LAMC2: variants seen among roughly 807,000 people sequenced by gnomAD.
LAMC2 encodes the protein laminin subunit gamma-2.
LAMC2 carries 97 observed loss-of-function variants against 140.2 expected under a neutral mutation model. That is an observed-to-expected ratio of 0.69 (90% CI 0.59 to 0.82). The LOEUF is 0.82. LAMC2 is among the 40% of genes least tolerant of loss of function. The pLI is 0.00. For missense variants in LAMC2, 1,402 were observed against 1,476.1 expected (o/e 0.95, Z 0.82); for synonymous variants, 513 against 540.2 (o/e 0.95, Z 0.70).
At chr1:183,187,436 G>A (rs945995099) in intron 1 of LAMC2, among the ~76,000 whole-genome samples, 1 of 150,620 alleles carries the variant, frequency 6.6e-6, no homozygotes, top group Admixed American at 6.6e-5. Context: ...GTCTAAAAAA[G>A]TCTTGGAATT....
At chr1:183,200,494 G>A (rs1658673121) in intron 1 of LAMC2, among the ~76,000 whole-genome samples, 1 of 152,188 alleles carries the variant, frequency 6.6e-6, no homozygotes, top group Admixed American at 6.5e-5. Flanking sequence ...AAAGGGCACT[G>A]TTTCTTATGG....
At chr1:183,212,174 T>G (rs1196299501) in intron 2 of LAMC2, among the ~76,000 whole-genome samples, 1 of 152,238 alleles carries the variant, frequency 6.6e-6, no homozygotes, top group African/African-American at 2.4e-5. Flanking sequence ...AAGTTGAAAG[T>G]GTAATAAATT....
At chr1:183,186,536 C>T (rs1658157547) in intron 1 of LAMC2, 105 bp downstream of exon 1, 1 of 1,331,412 alleles carries the variant, frequency 7.5e-7, no homozygotes, top group South Asian at 1.3e-5. Flanking sequence ...CCACTTTGTC[C>T]AGAAACTTGT....
At chr1:183,248,891 AGTGTGTGTGTGTGTGTGTGTGT>A (rs71555406), downstream of LAMC2, 18 of 142,744 alleles carry the variant, frequency 1.3e-4, no homozygotes, top group Non-Finnish European at 2.3e-4. Flanking sequence ...CCCCTAAAAG[AGTGTGTGTGTGTGTGTGTGTGT>A]GTGTGTGTGT....
chr1:183,243,024 G>A (rs147003665), intron 22 of LAMC2, 123 bp from the exon 23 acceptor site: 2 of 1,019,480 alleles, frequency 2.0e-6, no homozygotes, highest in Non-Finnish European at 3.0e-6. Flanking sequence ...AAAATTCATG[G>A]TATACTATTT....
At chr1:183,216,040 A>G (rs2102210997) in intron 3 of LAMC2, among the ~76,000 whole-genome samples, 1 of 152,248 alleles carries the variant, frequency 6.6e-6, no homozygotes, top group East Asian at 1.9e-4. Context: ...CTGCTCGGAT[A>G]TTTTTTGGAA....
chr1:183,249,693 G>A (rs1571548653), downstream of LAMC2: 1 of 129,760 alleles, frequency 7.7e-6, no homozygotes, highest in East Asian at 2.6e-4. Flanking sequence ...GTGTGTGTGT[G>A]TGTGTGTGTG....
At chr1:183,235,844 T>C in intron 16 of LAMC2, 114 bp downstream of exon 16, 1 of 1,051,122 alleles carries the variant, frequency 9.5e-7, no homozygotes, top group Non-Finnish European at 1.4e-6. Context: ...TTATTAATGA[T>C]AATAAGAGGG....
intron 1 of LAMC2, among the ~76,000 whole-genome samples, chr1:183,195,802 C>A (rs61479242): frequency 0.29 from 44,086 of 151,692 alleles, 6,778 homozygotes; most frequent in East Asian, 0.43. Context: ...AGTTCAAGGC[C>A]AGTTTAAATG....
the LAMC2 span, among the ~76,000 whole-genome samples, chr1:183,257,360 G>C: frequency 7.2e-5 from 11 of 152,098 alleles, no homozygotes; most frequent in Admixed American, 5.9e-4. Context: ...AGAATCACTT[G>C]AACCCGGGAC....
At chr1:183,209,163 C>T (rs149341045) in intron 2 of LAMC2, among the ~76,000 whole-genome samples, 128 of 151,398 alleles carry the variant, frequency 8.5e-4, no homozygotes, top group African/African-American at 1.9e-3. Context: ...TTTTTTTAAA[C>T]GGTTCATTTG....
chr1:183,228,881 G>T lies in LAMC2; in HGVS notation c.1714+262G>T, dbSNP rs1429713395. ...AAAGGTCAGGTTTACATTCCTACGC[G>T]GAAAAGGATGTAACACGGGGCCACA... On this transcript the variant is annotated intron_variant, in intron 11 of 22. Transcript: ENST00000264144. The surrounding 1 kb of genome is among the most constrained non-coding windows in gnomAD (Gnocchi z 4.3). Among the ~76,000 whole-genome samples, 1 of 152,176 alleles carries T rather than the reference G, an allele frequency of 6.6e-6. No homozygotes were observed. The highest frequency in any genetic ancestry group is 1.9e-4 in the East Asian group (1 of 5,194).
intron 1 of LAMC2, among the ~76,000 whole-genome samples, chr1:183,192,573 C>G (rs1471639646): frequency 6.6e-6 from 1 of 152,196 alleles, no homozygotes; most frequent in African/African-American, 2.4e-5. Context: ...CATAGCAGAG[C>G]TGGGCTCCAG....
intron 3 of LAMC2, among the ~76,000 whole-genome samples, chr1:183,218,028 G>A (rs1163547861): frequency 6.6e-6 from 1 of 152,140 alleles, no homozygotes; most frequent in Non-Finnish European, 1.5e-5. Context: ...TAAACAATAG[G>A]GAAACAAATG....
Position 183,222,043 on chromosome 1 carries a change from A to G in LAMC2, c.641-46A>G, listed in dbSNP as rs553073805. 11 of 1,613,482 alleles carry G rather than the reference A, an allele frequency of 6.8e-6. 1 individual carries two copies. In the South Asian group the frequency reaches 1.1e-4, roughly 16 times the overall value. On this transcript the variant is annotated intron_variant, in intron 5 of 22. Transcript: ENST00000264144. Reference sequence around the variant, plus strand: ...AATCTTTCTTTGTTTAACTTAATAGATGATGAGGGCTTGTCCAATGCAGAC... The same window carrying G: ...AATCTTTCTTTGTTTAACTTAATAGGTGATGAGGGCTTGTCCAATGCAGAC...
intron 1 of LAMC2, among the ~76,000 whole-genome samples, chr1:183,195,530 A>G (rs1658486604): frequency 6.6e-6 from 1 of 152,104 alleles, no homozygotes; most frequent in Non-Finnish European, 1.5e-5. Context: ...CCTTACTCAC[A>G]TTGCTTGGAC....
At chr1:183,237,236 T>C in intron 17 of LAMC2, 116 bp from the exon 18 acceptor site, 1 of 1,196,304 alleles carries the variant, frequency 8.4e-7, no homozygotes, top group Non-Finnish European at 1.2e-6. Context: ...CTAGTGACTA[T>C]TTTCTTGGCT....
intron 22 of LAMC2, among the ~76,000 whole-genome samples, chr1:183,242,160 A>T (rs1053118484): frequency 3.3e-5 from 5 of 152,190 alleles, no homozygotes; most frequent in African/African-American, 1.2e-4. Flanking sequence ...CTAGTAACTC[A>T]TGCCACCTTC....
At chr1:183,201,502 C>G (rs1286644778) in intron 1 of LAMC2, among the ~76,000 whole-genome samples, 5 of 152,194 alleles carry the variant, frequency 3.3e-5, no homozygotes, top group African/African-American at 9.7e-5. Context: ...AACAGCCAGT[C>G]TTCTTTTTAG....
Sources: gnomAD v4.1 joint callset for allele counts (sites outside exome capture counted in the v4.1 genomes callset) on GRCh38, gnomAD v4.1.1 for gene constraint, Gnocchi (gnomAD v3.1) non-coding constraint, MANE v1.5 for transcripts, NCBI Gene and HGNC (gene_info 2026-07-23, HGNC 2026-07-21) for gene names.